The following WASF1 variants were observed in gnomAD, a reference collection of about 807,000 sequenced individuals.
The protein encoded by WASF1 is WASP family member 1.
In WASF1, 7 loss-of-function variants were observed where a neutral mutation model predicts 50.5. The ratio of observed to expected loss-of-function variants is 0.14; its 90% CI spans 0.08 to 0.26. The LOEUF is 0.26. WASF1 is among the 10% of genes least tolerant of loss of function. The pLI is 1.00. For missense variants in WASF1, 470 were observed against 694.7 expected (o/e 0.68, Z 3.64); for synonymous variants, 205 against 244.0 (o/e 0.84, Z 1.49).
At chr6:110,141,650 G>C (rs1163670720) in intron 3 of WASF1, among the ~76,000 whole-genome samples, 1 of 151,874 alleles carries the variant, frequency 6.6e-6, no homozygotes, top group African/African-American at 2.4e-5. Context: ...CCAAGATCTA[G>C]AACACAGATG....
chr6:110,142,975 T>TAAAAAAAAAAAAAAAAAAAAAAAAAAAA (rs1396721363), intron 3 of WASF1, among the ~76,000 whole-genome samples: 75 of 97,878 alleles, frequency 7.7e-4, no homozygotes, highest in South Asian at 2.9e-3. Context: ...AAAAAAAAAC[T>TAAAAAAAAAAAAAAAAAAAAAAAAAAAA]AAAGCAATTC....
chr6:110,165,533 C>G (rs1327760056), intron 2 of WASF1, among the ~76,000 whole-genome samples: 2 of 151,706 alleles, frequency 1.3e-5, no homozygotes, highest in Non-Finnish European at 3.0e-5. Context: ...ATTCAGATGT[C>G]TGTTGCCTTC....
At chr6:110,103,316 T>C (rs1268486924) in intron 9 of WASF1, 62 bp downstream of exon 9, 4 of 1,545,796 alleles carry the variant, frequency 2.6e-6, no homozygotes, top group Non-Finnish European at 3.5e-6. Context: ...TACTATATCG[T>C]CCTTGAAAGA....
chr6:110,102,125 G>T lies in WASF1; in HGVS notation c.985C>A (p.Pro329Thr). Residue 329 changes from proline (P) to threonine (T), a missense_variant, in exon 10 of 11, where the codon CCA becomes ACA. Pro to Thr is a conservative substitution (Grantham distance 38). Around this residue, in one of 3 missense-constraint regions of WASF1, gnomAD observed 294 missense variants for 343.5 expected, o/e 0.86. Coordinates refer to ENST00000392589, the MANE Select transcript of WASF1 (RefSeq NM_003931.3). The stretch of plus-strand genomic sequence containing the variant: ...GTTGACAAGGCAGATGGAAGAGGTG[G>T]TGGAGGAGGTGGGGGAGTGGGGCTC... The part of the protein sequence containing the change: ...FVSPTPPPPP[P>T]PLPSALSTSS... 1.3e-6 allele frequency: 2 copies of T among 1,490,920 alleles called. No individual in the cohort carries two copies. The highest frequency in any genetic ancestry group is 1.8e-6 in the Non-Finnish European group (2 of 1,120,770). The allele number at this position is 1,490,920 out of a possible 1,614,324, so 92.4% of individuals were successfully genotyped here.
intron 1 of WASF1, 103 bp downstream of exon 1, chr6:110,179,336 T>G (rs1291846594): frequency 2.0e-5 from 3 of 152,348 alleles, no homozygotes; most frequent in African/African-American, 7.2e-5. Flanking sequence ...CCCGTCACCT[T>G]TGCGGGCCAC....
chr6:110,129,502 A>G (rs1774565829), intron 3 of WASF1, among the ~76,000 whole-genome samples: 1 of 152,198 alleles, frequency 6.6e-6, no homozygotes, highest in Admixed American at 6.5e-5. Flanking sequence ...AAAAAGAAGG[A>G]ATATGTTCCA....
At chr6:110,110,960 T>C (rs924199023) in intron 5 of WASF1, among the ~76,000 whole-genome samples, 9 of 152,154 alleles carry the variant, frequency 5.9e-5, no homozygotes, top group African/African-American at 2.2e-4. Flanking sequence ...CTCCACAAAA[T>C]TTTAAAGGAA....
intron 5 of WASF1, among the ~76,000 whole-genome samples, chr6:110,111,511 T>C (rs1468172732): frequency 6.6e-6 from 1 of 152,158 alleles, no homozygotes; most frequent in Non-Finnish European, 1.5e-5. Flanking sequence ...GCTAAGGAAT[T>C]AAATAGACAT....
intron 4 of WASF1, among the ~76,000 whole-genome samples, chr6:110,117,913 A>G (rs562805660): frequency 6.6e-6 from 1 of 152,184 alleles, no homozygotes; most frequent in Non-Finnish European, 1.5e-5. Context: ...CAGCCAAACT[A>G]AGCTTCATAA....
intron 6 of WASF1, among the ~76,000 whole-genome samples, chr6:110,108,137 C>CAAA (rs369773397): frequency 0.03 from 1,352 of 45,078 alleles, 20 homozygotes; most frequent in African/African-American, 0.038. Flanking sequence ...GACTCCGCCT[C>CAAA]AAAAAAAAAA....
chr6:110,131,886 T>G (rs568886312), intron 3 of WASF1, among the ~76,000 whole-genome samples: 1 of 152,320 alleles, frequency 6.6e-6, no homozygotes, highest in East Asian at 1.9e-4. Flanking sequence ...CCTGTGTATT[T>G]CCATGTAAAT....
At chr6:110,105,719 GGT>G in intron 7 of WASF1, 140 bp from the exon 8 acceptor site, 5 of 829,088 alleles carry the variant, frequency 6.0e-6, no homozygotes, top group Non-Finnish European at 9.2e-6. Context: ...ACACAGAAAT[GGT>G]TTACTTGTAC....
chr6:110,174,979 A>C (rs1158834449), intron 2 of WASF1, among the ~76,000 whole-genome samples: 13 of 152,108 alleles, frequency 8.5e-5, no homozygotes, highest in African/African-American at 4.8e-5. Context: ...AAAACAAAAC[A>C]ACCAAACGCT....
intron 3 of WASF1, among the ~76,000 whole-genome samples, chr6:110,155,658 G>T (rs1249963358): frequency 1.4e-5 from 1 of 71,344 alleles, no homozygotes; most frequent in Non-Finnish European, 2.5e-5. Context: ...ACCCACTAAT[G>T]TGTCATCTAG....
At position 110,103,429 on chromosome 6, in the gene WASF1, G is replaced by A. The variant is rs1188324038; in HGVS notation, c.842C>T (p.Pro281Leu). The A allele has an allele frequency of 6.2e-7, 1 of 1,614,076 alleles. No homozygotes were observed. Among genetic ancestry groups the A allele is most frequent in the South Asian group, 1.1e-5 (1 of 91,074 alleles). ...VLVRPHEPPP[P>L]PPMHGAGDAK... ...ATCTCCTGCTCCATGCATTGGTGGA[G>A]GTGGAGGTGGTTCATGTGGTCTGAC... is the stretch of plus-strand genomic sequence containing the variant. The change falls in exon 9 of 11, where the codon CCT becomes CTT. Residue 281 changes from proline to leucine, a missense_variant. Physicochemically the swap from Pro to Leu is moderately conservative, Grantham distance 98. Coordinates refer to ENST00000392589, the MANE Select transcript of WASF1 (RefSeq NM_003931.3).
At chr6:110,131,742 A>T (rs981038567) in intron 3 of WASF1, among the ~76,000 whole-genome samples, 1 of 152,114 alleles carries the variant, frequency 6.6e-6, no homozygotes, top group African/African-American at 2.4e-5. Context: ...AGCTCAGACA[A>T]TTGACCCACC....
At chr6:110,137,729 A>C (rs1775032169) in intron 3 of WASF1, among the ~76,000 whole-genome samples, 1 of 152,254 alleles carries the variant, frequency 6.6e-6, no homozygotes, top group African/African-American at 2.4e-5. Context: ...CACTGTCATA[A>C]GATGGAATGT....
At chr6:110,141,008 G>A (rs570195312) in intron 3 of WASF1, among the ~76,000 whole-genome samples, 5 of 152,068 alleles carry the variant, frequency 3.3e-5, no homozygotes, top group African/African-American at 1.2e-4. Flanking sequence ...ATGCTACTCA[G>A]AATCACATGC....
At chr6:110,133,858 A>G (rs1774816503) in intron 3 of WASF1, among the ~76,000 whole-genome samples, 1 of 151,782 alleles carries the variant, frequency 6.6e-6, no homozygotes, top group South Asian at 2.1e-4. Flanking sequence ...GAAGCTTTTT[A>G]GTTTAATTAA....
Sources: allele counts gnomAD v4.1 joint callset (sites outside exome capture counted in the v4.1 genomes callset), GRCh38; gene constraint gnomAD v4.1.1; regional missense constraint gnomAD v4.1.1; transcripts MANE v1.5; gene names NCBI Gene and HGNC (gene_info 2026-07-23, HGNC 2026-07-21).